The following WDR17 variants were observed in gnomAD, a reference collection of about 807,000 sequenced individuals.
WDR17 encodes WD repeat domain 17, also known as WD repeat-containing protein 17.
Under a neutral mutation model 161.7 loss-of-function variants are expected in WDR17, and 143 were observed. The ratio of observed to expected loss-of-function variants is 0.88; its 90% CI spans 0.77 to 1.02. WDR17 has a LOEUF of 1.02. Ranked by LOEUF, WDR17 falls within the 50% of genes least tolerant of loss-of-function variation. The pLI, the probability that WDR17 is intolerant of heterozygous loss-of-function variation, is 0.00. For missense variants in WDR17, 1,469 were observed against 1,520.9 expected (o/e 0.97, Z 0.57); for synonymous variants, 517 against 515.6 (o/e 1.00, Z -0.04).
rs1281653724 is a variant in WDR17 at position 176,139,958 on chromosome 4, A to T, written c.1426A>T (p.Ser476Cys). ...HKDSKRIATC[S>C]SDGFCIIRTI... ...AGATTCTAAAAGAATAGCAACCTGC[A>T]GCAGTGATGGTTTCTGGTAAGTACT... Residue 476 changes from serine to cysteine, a missense_variant, in exon 10 of 29, where the codon AGC (serine) becomes TGC (cysteine). Coordinates refer to ENST00000508596, the MANE Select transcript of WDR17 (RefSeq NM_181265.4). 10 of 1,611,620 alleles carry T rather than the reference A, an allele frequency of 6.2e-6. No homozygotes were observed. Among genetic ancestry groups the T allele is most frequent in the Middle Eastern group, 1.6e-4 (1 of 6,070 alleles).
chr4:176,167,606 C>T (rs1284159549), intron 22 of WDR17, among the ~76,000 whole-genome samples: 7 of 121,506 alleles, frequency 5.8e-5, no homozygotes, highest in African/African-American at 2.2e-4. Context: ...GAGATTGCGC[C>T]ACTGCACTCC....
intron 11 of WDR17, among the ~76,000 whole-genome samples, chr4:176,144,250 C>A (rs1442111080): frequency 6.6e-6 from 1 of 152,110 alleles, no homozygotes; most frequent in Non-Finnish European, 1.5e-5. Flanking sequence ...GTAAGTTTCC[C>A]ATATAATATG....
chr4:176,081,477 C>T (rs1056390913), intron 1 of WDR17, among the ~76,000 whole-genome samples: 21 of 152,086 alleles, frequency 1.4e-4, no homozygotes, highest in African/African-American at 4.8e-4. Context: ...CTTTCTGTTC[C>T]TCCAAATATG....
intron 8 of WDR17, among the ~76,000 whole-genome samples, chr4:176,136,804 T>A (rs993835482): frequency 2.0e-5 from 3 of 151,608 alleles, no homozygotes; most frequent in Non-Finnish European, 3.0e-5. Flanking sequence ...GTTAGAAATA[T>A]GATGAGAACA....
At position 176,179,760 on chromosome 4, in the gene WDR17, A is replaced by G. The variant is rs2126908927; in HGVS notation, c.*181A>G. 1 of 297,036 alleles carries G rather than the reference A, an allele frequency of 3.4e-6. No individual in the cohort carries two copies. The highest frequency in any genetic ancestry group is 5.6e-6 in the Non-Finnish European group (1 of 177,274). The allele number at this position is 297,036 out of a possible 1,614,324, so 18.4% of individuals were successfully genotyped here. A position where few individuals can be genotyped will look rare whatever the true frequency, so the allele number is the denominator to read the frequency against. ...CAAAATATATATATATATATAATTT[A>G]AAGGAAAAATAGGTGCCTCCTTTAT... On this transcript the variant is annotated 3_prime_UTR_variant, in exon 29 of 29. Transcript: ENST00000508596.
chr4:176,098,978 A>G (rs1441916609), intron 1 of WDR17, among the ~76,000 whole-genome samples: 1 of 152,084 alleles, frequency 6.6e-6, no homozygotes, highest in Non-Finnish European at 1.5e-5. Context: ...TCAACATAGA[A>G]ATGCTTATAT....
At chr4:176,090,394 AT>A (rs1423093385) in intron 1 of WDR17, among the ~76,000 whole-genome samples, 1 of 152,006 alleles carries the variant, frequency 6.6e-6, no homozygotes, top group African/African-American at 2.4e-5. Context: ...CCAGATGCAA[AT>A]TCTGGTGTCA....
chr4:176,161,221 A>G (rs1443064386), intron 20 of WDR17, among the ~76,000 whole-genome samples: 2 of 152,204 alleles, frequency 1.3e-5, no homozygotes, highest in Non-Finnish European at 2.9e-5. Context: ...TATAGCTTTC[A>G]GAAAAGCAAA....
chr4:176,111,750 A>C, intron 2 of WDR17, 47 bp downstream of exon 2: 2 of 1,461,078 alleles, frequency 1.4e-6, no homozygotes, highest in Middle Eastern at 2.4e-4. Context: ...CGGTAAAATT[A>C]ATATTTAATT....
At chr4:176,137,439 C>A (rs768044065) in intron 8 of WDR17, 81 bp from the exon 9 acceptor site, 54 of 1,151,876 alleles carry the variant, frequency 4.7e-5, no homozygotes, top group Non-Finnish European at 6.3e-5. Context: ...ACAGTTCTTA[C>A]ATTTTCACAA....
In WDR17 at chr4:176,148,211, A is replaced by C; in HGVS notation, c.1773A>C (p.Leu591Phe). ...LNGHTAPVRG[L>F]MWNTEIPYLL... ...GACACACTGCACCTGTGAGAGGATT[A>C]ATGTGGAATACTGAGATTCCATATC... is the stretch of plus-strand genomic sequence containing the variant. Residue 591 changes from leucine (L) to phenylalanine (F), a missense_variant, in exon 13 of 29, where the codon TTA becomes TTC. By Grantham distance (22) the Leu-to-Phe change is conservative (BLOSUM62 0). Coordinates refer to ENST00000508596, the MANE Select transcript of WDR17 (RefSeq NM_181265.4). 8 of 1,614,028 alleles carry C rather than the reference A, an allele frequency of 5.0e-6. No homozygotes were observed. Among genetic ancestry groups the C allele is most frequent in the African/African-American group, 2.7e-5 (2 of 75,044 alleles).
intron 7 of WDR17, among the ~76,000 whole-genome samples, chr4:176,132,455 A>T (rs538614245): frequency 7.6e-4 from 115 of 152,140 alleles, no homozygotes; most frequent in Non-Finnish European, 1.5e-3. Context: ...AATTAGACTA[A>T]TCTGGACATT....
intron 6 of WDR17, among the ~76,000 whole-genome samples, chr4:176,130,762 A>T (rs5016798): frequency 0.25 from 37,454 of 150,830 alleles, 4,824 homozygotes; most frequent in South Asian, 0.27. Context: ...AAAAAAAAAA[A>T]ACTGAGAAAT....
Position 176,151,829 on chromosome 4 carries a change from A to G in WDR17, c.2322A>G (p.Leu774=). The G allele has an allele frequency of 1.3e-6, 2 of 1,591,290 alleles. No individual in the cohort carries two copies. Among genetic ancestry groups the G allele is most frequent in the Non-Finnish European group, 1.7e-6 (2 of 1,173,184 alleles). ...AAAACCAGTCTGAAGCTCAAGAACT[A>G]ACAACAGTCAAGATGTCTAAATTTG... ...IKFRTSEAQE[L]TTVKMSKFGG... The change falls in exon 17 of 29, where the codon CTA becomes CTG. Residue 774 remains leucine (L), a synonymous_variant. Transcript: ENST00000508596.
chr4:176,161,986 T>G, intron 20 of WDR17, 89 bp from the exon 21 acceptor site: 1 of 1,092,186 alleles, frequency 9.2e-7, no homozygotes, highest in Non-Finnish European at 1.3e-6. Context: ...TTTTATTTGG[T>G]CTTTTTATCA....
chr4:176,092,510 A>T (rs1411236367), intron 1 of WDR17, among the ~76,000 whole-genome samples: 1 of 152,202 alleles, frequency 6.6e-6, no homozygotes, highest in Non-Finnish European at 1.5e-5. Flanking sequence ...TTGTTATTCA[A>T]CTTAGTTTTG....
intron 1 of WDR17, among the ~76,000 whole-genome samples, chr4:176,082,589 A>T (rs1004249632): frequency 6.6e-6 from 1 of 152,044 alleles, no homozygotes; most frequent in African/African-American, 2.4e-5. Context: ...GATCCAAGAT[A>T]TTTGCTAATG....
At chr4:176,102,785 C>T (rs1206716634) in intron 1 of WDR17, among the ~76,000 whole-genome samples, 1 of 152,144 alleles carries the variant, frequency 6.6e-6, no homozygotes, top group Non-Finnish European at 1.5e-5. Flanking sequence ...TCTATGAAGG[C>T]TTGCAACTTC....
chr4:176,165,480 T>C (rs901512954), intron 22 of WDR17, among the ~76,000 whole-genome samples: 5 of 152,232 alleles, frequency 3.3e-5, no homozygotes, highest in Admixed American at 2.0e-4. Flanking sequence ...TCCATCTATA[T>C]CTTCTAACTC....
Sources: gnomAD v4.1 joint callset for allele counts (sites outside exome capture counted in the v4.1 genomes callset) on GRCh38, gnomAD v4.1.1 for gene constraint, MANE v1.5 for transcripts, NCBI Gene and HGNC (gene_info 2026-07-23, HGNC 2026-07-21) for gene names.